Variants in UBR3 observed in about 807,000 individuals in gnomAD.
UBR3 encodes the protein E3 ubiquitin-protein ligase UBR3.
A neutral mutation model predicts 243.2 loss-of-function variants in UBR3; 85 were observed. The observed-to-expected ratio is 0.35, with a 90% CI of 0.29 to 0.42. The LOEUF (loss-of-function observed/expected upper bound fraction) is 0.42, where lower values mean the gene tolerates loss of function less well. Among genes scored for constraint, UBR3 ranks in the 10% least tolerant of loss-of-function variants. UBR3 has a pLI of 1.00. For synonymous variants in UBR3, 748 were observed against 799.8 expected, an observed-to-expected ratio of 0.94 and a Z score of 1.09; for missense variants, 1,686 against 2,300.8, an observed-to-expected ratio of 0.73 and a Z score of 5.47.
intron 8 of UBR3, among the ~76,000 whole-genome samples, chr2:169,902,876 C>G (rs2084883187): frequency 6.6e-6 from 1 of 152,182 alleles, no homozygotes; most frequent in Admixed American, 6.5e-5. Context: ...TCCCAAAGTG[C>G]TGGGATTACA....
intron 1 of UBR3, among the ~76,000 whole-genome samples, chr2:169,860,681 T>C (rs1199682805): frequency 2.0e-5 from 3 of 152,212 alleles, no homozygotes; most frequent in Non-Finnish European, 4.4e-5. Context: ...TCTCATTTTC[T>C]CTTGGATTGT....
intron 10 of UBR3, among the ~76,000 whole-genome samples, chr2:169,911,522 A>C (rs1437889616): frequency 6.6e-6 from 1 of 152,166 alleles, no homozygotes; most frequent in African/African-American, 2.4e-5. Context: ...GTAAGTTAGC[A>C]TGCATACTGA....
chr2:170,057,306 T>G (rs2091356970), intron 33 of UBR3, among the ~76,000 whole-genome samples: 2 of 152,018 alleles, frequency 1.3e-5, no homozygotes, highest in Admixed American at 1.3e-4. Flanking sequence ...TTAGTAGAGC[T>G]GGGTTTTTAC....
Position 170,015,726 on chromosome 2 carries a change from C to G in UBR3, c.4453+360C>G, listed in dbSNP as rs145716900. 3.0e-3 allele frequency among the ~76,000 whole-genome samples: 451 copies of G among 151,794 alleles called. 3 individuals are homozygous for G. The highest frequency in any genetic ancestry group is 0.01 in the African/African-American group (425 of 41,480). ...GACAATATATGTTACCCACAGATTTCTATTATATTATTGCTATTAAGATAT... is the reference window on the plus strand; with the variant it reads ...GACAATATATGTTACCCACAGATTTGTATTATATTATTGCTATTAAGATAT... On this transcript the variant is annotated intron_variant, in intron 30 of 38. Transcript: ENST00000272793.
At chr2:170,000,876 A>G (rs546796291) in intron 26 of UBR3, among the ~76,000 whole-genome samples, 2 of 152,352 alleles carry the variant, frequency 1.3e-5, no homozygotes, top group African/African-American at 4.8e-5. Context: ...TTAAAGAGGC[A>G]GGAACGAAAC....
intron 25 of UBR3, among the ~76,000 whole-genome samples, chr2:169,987,019 A>G (rs1372901370): frequency 6.6e-6 from 1 of 152,128 alleles, no homozygotes; most frequent in Admixed American, 6.5e-5. Flanking sequence ...ATGGTTTCAC[A>G]ATTTTTTTCT....
At chr2:169,912,020 T>C (rs920080222) in intron 10 of UBR3, among the ~76,000 whole-genome samples, 6 of 152,166 alleles carry the variant, frequency 3.9e-5, no homozygotes, top group African/African-American at 1.2e-4. Context: ...TATATTATAA[T>C]ATCAAGCAAG....
chr2:170,011,453 A>G (rs1160636662), intron 29 of UBR3, among the ~76,000 whole-genome samples: 1 of 152,124 alleles, frequency 6.6e-6, no homozygotes, highest in Non-Finnish European at 1.5e-5. Context: ...TGTATAATTC[A>G]TTAGAACTTG....
intron 30 of UBR3, among the ~76,000 whole-genome samples, chr2:170,028,560 G>A (rs949805143): frequency 6.6e-6 from 1 of 150,978 alleles, no homozygotes; most frequent in Non-Finnish European, 1.5e-5. Flanking sequence ...TTTAATTATT[G>A]TCATAATTAA....
intron 5 of UBR3, among the ~76,000 whole-genome samples, chr2:169,889,975 C>T (rs1343735689): frequency 1.3e-5 from 2 of 152,144 alleles, no homozygotes; most frequent in African/African-American, 4.8e-5. Context: ...GCCACATTAC[C>T]GCACCTCTTT....
chr2:170,004,668 TG>T, intron 27 of UBR3, among the ~76,000 whole-genome samples: 1 of 152,194 alleles, frequency 6.6e-6, no homozygotes, highest in South Asian at 2.1e-4. Context: ...TTCAGCACTT[TG>T]GGAGGCTGAG....
At chr2:169,893,526 T>A (rs2084454205) in intron 6 of UBR3, among the ~76,000 whole-genome samples, 2 of 152,224 alleles carry the variant, frequency 1.3e-5, no homozygotes, top group Non-Finnish European at 2.9e-5. Flanking sequence ...ATTGTGAGAA[T>A]TAAATTAGGT....
chr2:169,995,816 C>A (rs1294514856), intron 26 of UBR3, among the ~76,000 whole-genome samples: 1 of 152,092 alleles, frequency 6.6e-6, no homozygotes, highest in South Asian at 2.1e-4. Context: ...TCAACATAAA[C>A]TTTAGTAGCA....
chr2:169,933,032 A>G lies in UBR3; in HGVS notation c.2663+24A>G, dbSNP rs181313889. The stretch of plus-strand genomic sequence containing the variant: ...TTGTAAGTCCATCAAATTGATTAGC[A>G]TCATAACAGTATTTTATATTTATAT... On this transcript the variant is annotated intron_variant, in intron 19 of 38. Transcript: ENST00000272793. 1.4e-6 allele frequency: 2 copies of G among 1,467,082 alleles called. 1 individual carries two copies. The highest frequency in any genetic ancestry group is 5.3e-5 in the East Asian group (2 of 37,866). 90.9% of individuals were successfully genotyped at this position (1,467,082 alleles called of 1,614,324 possible). A position where few individuals can be genotyped will look rare whatever the true frequency, so the allele number is the denominator to read the frequency against.
At chr2:169,894,474 A>G (rs2084505958) in intron 6 of UBR3, among the ~76,000 whole-genome samples, 1 of 152,120 alleles carries the variant, frequency 6.6e-6, no homozygotes, top group Non-Finnish European at 1.5e-5. Flanking sequence ...TAAAATCATA[A>G]TATCTTCAGA....
chr2:169,832,739 A>G (rs2081978954), intron 1 of UBR3, among the ~76,000 whole-genome samples: 2 of 152,042 alleles, frequency 1.3e-5, no homozygotes, highest in African/African-American at 4.8e-5. Flanking sequence ...GTTCAAGACC[A>G]GCCTGACCAC....
chr2:169,898,895 G>T lies in UBR3; in HGVS notation c.1465+2160G>T, dbSNP rs189081079. ...TTTTTGTATTTTTAGTAGAGACGGG[G>T]TTTCACCGTGTTAGCCAGGATGGTC... is the stretch of plus-strand genomic sequence containing the variant. On this transcript the variant is annotated intron_variant, in intron 8 of 38. Coordinates refer to ENST00000272793, the MANE Select transcript of UBR3 (RefSeq NM_172070.4). 1.1e-3 allele frequency among the ~76,000 whole-genome samples: 166 copies of T among 151,540 alleles called. 1 individual carries two copies. Among genetic ancestry groups the T allele is most frequent in the Middle Eastern group, 6.8e-3 (2 of 292 alleles).
At chr2:170,028,691 T>TG (rs2090594845) in intron 30 of UBR3, among the ~76,000 whole-genome samples, 1 of 149,990 alleles carries the variant, frequency 6.7e-6, no homozygotes, top group South Asian at 2.1e-4. Flanking sequence ...TACTTAGGGT[T>TG]TTTTTTTTTC....
chr2:169,915,866 G>A (rs569711668), intron 11 of UBR3, among the ~76,000 whole-genome samples: 61 of 152,096 alleles, frequency 4.0e-4, no homozygotes, highest in Non-Finnish European at 7.8e-4. Flanking sequence ...AGCTATTGCT[G>A]TTACTATTTG....
Sources: gnomAD v4.1 joint callset for allele counts (sites outside exome capture counted in the v4.1 genomes callset) on GRCh38, gnomAD v4.1.1 for gene constraint, MANE v1.5 for transcripts, NCBI Gene and HGNC (gene_info 2026-07-23, HGNC 2026-07-21) for gene names.